Variants in MYO19 observed in about 807,000 individuals in gnomAD.
MYO19 encodes myosin XIX.
A neutral mutation model predicts 129.2 loss-of-function variants in MYO19; 132 were observed. That is an observed-to-expected ratio of 1.02 (90% CI 0.89 to 1.18). The LOEUF (loss-of-function observed/expected upper bound fraction) is 1.18. Among genes scored for constraint, MYO19 ranks in the 50% most tolerant of loss-of-function variants. The pLI is 0.00. For synonymous variants in MYO19, 531 were observed against 477.2 expected (o/e 1.11, Z -1.47); for missense variants, 1,210 against 1,216.7 (o/e 0.99, Z 0.08).
chr17:36,535,234 C>G (rs115699122), upstream of MYO19: 2 of 152,172 alleles, frequency 1.3e-5, no homozygotes, highest in East Asian at 3.9e-4. Flanking sequence ...TGTGCGAGGC[C>G]GGCGGACACC....
intron 3 of MYO19, among the ~76,000 whole-genome samples, chr17:36,530,262 T>C (rs1421484092): frequency 2.0e-5 from 3 of 152,106 alleles, no homozygotes; most frequent in Non-Finnish European, 4.4e-5. Context: ...CAGTGAGCTA[T>C]GGGGATATCA....
chr17:36,501,280 T>C, intron 21 of MYO19, 45 bp from the exon 22 acceptor site: 1 of 1,570,032 alleles, frequency 6.4e-7, no homozygotes, highest in Non-Finnish European at 8.7e-7. Flanking sequence ...CATCTCTACA[T>C]GCCTCTGTGG....
Sources: gnomAD v4.1 joint callset for allele counts (sites outside exome capture counted in the v4.1 genomes callset) on GRCh38, gnomAD v4.1.1 for gene constraint, MANE v1.5 for transcripts, NCBI Gene and HGNC (gene_info 2026-07-23, HGNC 2026-07-21) for gene names.